Variants in MMS19 observed in about 807,000 individuals in gnomAD.
MMS19 encodes MMS19 cytosolic iron-sulfur assembly component.
MMS19 carries 77 observed loss-of-function variants against 129.8 expected under a neutral mutation model. That is an observed-to-expected ratio of 0.59 (90% CI 0.49 to 0.72). The LOEUF (loss-of-function observed/expected upper bound fraction) is 0.72. Ranked by LOEUF, MMS19 falls within the 30% of genes least tolerant of loss-of-function variation. MMS19 has a pLI of 0.00. For missense variants in MMS19, 1,168 were observed against 1,266.3 expected (o/e 0.92, Z 1.18); for synonymous variants, 491 against 502.8 (o/e 0.98, Z 0.31).
intron 1 of MMS19, among the ~76,000 whole-genome samples, chr10:97,492,052 C>T (rs1002902434): frequency 4.7e-5 from 7 of 148,370 alleles, no homozygotes; most frequent in African/African-American, 1.7e-4. Flanking sequence ...GCAGGAGAAT[C>T]ACCTGAACCT....
intron 8 of MMS19, among the ~76,000 whole-genome samples, chr10:97,473,818 T>C (rs1490579615): frequency 2.0e-5 from 3 of 151,988 alleles, no homozygotes; most frequent in Non-Finnish European, 4.4e-5. Flanking sequence ...GAGGAGACCA[T>C]ATGACCCACA....
chr10:97,486,661 G>A lies in MMS19; in HGVS notation c.113-2510C>T, dbSNP rs553303083. Among the ~76,000 whole-genome samples the A allele has an allele frequency of 7.2e-5, 11 of 151,922 alleles. No homozygotes were observed. In the South Asian group the frequency reaches 1.0e-3, roughly 14 times the overall value. On this transcript the variant is annotated intron_variant, in intron 1 of 30. Transcript: ENST00000438925. Reference sequence around the variant, plus strand: ...GGCTGCAAAGTACAGAAGAAAATGGGGAGAAATTGGTAAAAGCGTTTTTTA... The same window carrying A: ...GGCTGCAAAGTACAGAAGAAAATGGAGAGAAATTGGTAAAAGCGTTTTTTA...
chr10:97,459,311 C>T, intron 28 of MMS19, 29 bp from the exon 29 acceptor site: 4 of 1,612,626 alleles, frequency 2.5e-6, no homozygotes, highest in Non-Finnish European at 3.4e-6. Flanking sequence ...GAGGTGAGAG[C>T]ATGCCCAGGG....
intron 3 of MMS19, chr10:97,480,424 T>C (rs2036579972): frequency 7.3e-6 from 3 of 411,472 alleles, no homozygotes; most frequent in Non-Finnish European, 9.4e-6. Context: ...ACCCCTGCTA[T>C]ACAAGATAAA....
chr10:97,498,645 A>C, upstream of MMS19: 2 of 469,684 alleles, frequency 4.3e-6, no homozygotes, highest in Non-Finnish European at 7.5e-6. Context: ...TCCCCGGGAG[A>C]CGGGCTGCGG....
rs2033611000 is a variant in MMS19 at position 97,466,906 on chromosome 10, G to A, written c.1298-5C>T. The A allele has an allele frequency of 6.2e-7, 1 of 1,613,748 alleles. No individual in the cohort carries two copies. The highest frequency in any genetic ancestry group is 8.5e-7 in the Non-Finnish European group (1 of 1,179,832). On this transcript the variant is annotated splice_polypyrimidine_tract_variant and splice_region_variant and intron_variant, in intron 14 of 30. Coordinates refer to ENST00000438925, the MANE Select transcript of MMS19 (RefSeq NM_022362.5). ...AGCCATTCAGAGGCCTTTGATCTAG[G>A]GAAGAGACAGAGGCCAGGTTAGAAG...
At position 97,466,583 on chromosome 10, in the gene MMS19, G is replaced by A; in HGVS notation, c.1426C>T (p.Leu476Phe). ...TLTVLGAQPD[L>F]LSYEDLELAV... ...AGCTCCAAGTCCTCATAAGATAGGA[G>A]ATCTGTAGTTAGAAGGGAACATGAA... Residue 476 changes from leucine to phenylalanine, a missense_variant and splice_region_variant, in exon 16 of 31, where the codon CTC becomes TTC. Transcript: ENST00000438925. 1 of 1,612,210 alleles carries A rather than the reference G, an allele frequency of 6.2e-7. No individual in the cohort carries two copies. Among genetic ancestry groups the A allele is most frequent in the Non-Finnish European group, 8.5e-7 (1 of 1,178,276 alleles).
In MMS19 at chr10:97,461,877, C is replaced by A; in HGVS notation, c.2135G>T (p.Arg712Met). ...QPFQDGSSGQRRLIALLMAFV... is the reference protein window; with the variant it reads ...QPFQDGSSGQMRLIALLMAFV... ...GGCCATAAGCAGTGCAATCAGCCGC[C>A]TCTGCCCTGAGGAGCCATCCTATAA... The change falls in exon 22 of 31, where the codon AGG (arginine) becomes ATG (methionine). Residue 712 changes from arginine (R) to methionine (M), a missense_variant. By Grantham distance (91) the Arg-to-Met change is moderately conservative. Around this residue, in one of 3 missense-constraint regions of MMS19, gnomAD observed 831 missense variants for 910.8 expected, o/e 0.91. Transcript: ENST00000438925. The A allele has an allele frequency of 6.2e-7, 1 of 1,607,452 alleles. No individual in the cohort carries two copies.
At chr10:97,473,960 T>C (rs1262518727) in intron 8 of MMS19, among the ~76,000 whole-genome samples, 1 of 151,698 alleles carries the variant, frequency 6.6e-6, no homozygotes, top group Non-Finnish European at 1.5e-5. Flanking sequence ...CTGGGCAACA[T>C]GGCAAAATCC....
At chr10:97,477,771 A>C in intron 5 of MMS19, 84 bp downstream of exon 5, 2 of 920,372 alleles carry the variant, frequency 2.2e-6, no homozygotes. Context: ...CAGAACTTAG[A>C]AGGCAATAAT....
At chr10:97,462,784 A>C in intron 19 of MMS19, 102 bp from the exon 20 acceptor site, 1 of 837,922 alleles carries the variant, frequency 1.2e-6, no homozygotes, top group African/African-American at 1.7e-5. Context: ...GCTTGACTCT[A>C]GCCACGACAG....
chr10:97,475,785 CA>C (rs1228657519), intron 8 of MMS19, among the ~76,000 whole-genome samples: 1 of 151,850 alleles, frequency 6.6e-6, no homozygotes, highest in African/African-American at 2.4e-5. Flanking sequence ...ACACACACAC[CA>C]AAAAAACCAA....
intron 8 of MMS19, among the ~76,000 whole-genome samples, chr10:97,474,299 T>C (rs570036966): frequency 1.6e-3 from 244 of 152,102 alleles, no homozygotes; most frequent in Non-Finnish European, 2.9e-3. Context: ...TCCCAGCACT[T>C]TGGGAGGCCG....
intron 1 of MMS19, among the ~76,000 whole-genome samples, chr10:97,495,404 G>C (rs750233531): frequency 1.3e-5 from 2 of 152,234 alleles, no homozygotes; most frequent in African/African-American, 4.8e-5. Flanking sequence ...TGTGATCAAA[G>C]GGTGCTCCTT....
intron 1 of MMS19, among the ~76,000 whole-genome samples, chr10:97,485,665 G>A (rs10882943): frequency 0.25 from 37,581 of 151,832 alleles, 4,911 homozygotes; most frequent in East Asian, 0.47. Context: ...CCAGGCTGGT[G>A]TTGAACTCCT....
intron 1 of MMS19, among the ~76,000 whole-genome samples, chr10:97,484,402 G>A (rs2037440939): frequency 6.6e-6 from 1 of 151,822 alleles, no homozygotes; most frequent in African/African-American, 2.4e-5. Flanking sequence ...GAAAATCCAA[G>A]AGAAATAAAA....
chr10:97,480,784 C>A (rs1424257446), intron 3 of MMS19, 158 bp downstream of exon 3: 4 of 647,488 alleles, frequency 6.2e-6, no homozygotes, highest in East Asian at 2.8e-5. Flanking sequence ...CAATTCTAAT[C>A]ATCTCTGCCA....
At chr10:97,470,074 G>A in intron 10 of MMS19, 55 bp downstream of exon 10, 1 of 1,168,566 alleles carries the variant, frequency 8.6e-7, no homozygotes, top group South Asian at 1.3e-5. Context: ...ATATCCTTTA[G>A]GACCCCTAAC....
intron 1 of MMS19, among the ~76,000 whole-genome samples, chr10:97,489,611 T>C (rs1242339274): frequency 6.6e-6 from 1 of 152,220 alleles, no homozygotes; most frequent in Non-Finnish European, 1.5e-5. Flanking sequence ...ATTTCAATAG[T>C]TTCTCCACTA....
Sources: allele counts gnomAD v4.1 joint callset (sites outside exome capture counted in the v4.1 genomes callset), GRCh38; gene constraint gnomAD v4.1.1; regional missense constraint gnomAD v4.1.1; transcripts MANE v1.5; gene names NCBI Gene and HGNC (gene_info 2026-07-23, HGNC 2026-07-21).